Variants in PNLIP observed in about 807,000 individuals in gnomAD.
PNLIP encodes pancreatic lipase.
PNLIP carries 49 observed loss-of-function variants against 57.1 expected under a neutral mutation model. That is an observed-to-expected ratio of 0.86 (90% CI 0.68 to 1.09). The LOEUF (loss-of-function observed/expected upper bound fraction) is 1.09. Among genes scored for constraint, PNLIP ranks in the 50% least tolerant of loss-of-function variants. The pLI is 0.00. For synonymous variants in PNLIP, 209 were observed against 200.4 expected (o/e 1.04, Z -0.36); for missense variants, 503 against 570.2 (o/e 0.88, Z 1.20).
rs528498390 is a variant in PNLIP at position 116,548,031 on chromosome 10, A to G, written c.202-329A>G. On this transcript the variant is annotated intron_variant, in intron 3 of 12. Transcript: ENST00000369221. ...ATATATTTATGTAATCTCCTATTAT[A>G]TATATGTATCTCTACATAGATAAAG... Among the ~76,000 whole-genome samples, 8 of 152,278 alleles carry G rather than the reference A, an allele frequency of 5.3e-5. No homozygotes were observed. In the East Asian group the frequency reaches 1.5e-3, roughly 29 times the overall value.
intron 12 of PNLIP, among the ~76,000 whole-genome samples, chr10:116,563,072 A>C (rs1045472008): frequency 2.6e-5 from 4 of 152,234 alleles, no homozygotes; most frequent in African/African-American, 9.6e-5. Flanking sequence ...ACACCAAAAC[A>C]AAACTGACAT....
intron 12 of PNLIP, among the ~76,000 whole-genome samples, chr10:116,564,593 G>A (rs1019246253): frequency 1.3e-5 from 2 of 152,086 alleles, no homozygotes; most frequent in South Asian, 4.2e-4. Context: ...AAGAACACAG[G>A]AAATAGGAAA....
At chr10:116,554,692 G>A (rs956108433) in intron 6 of PNLIP, among the ~76,000 whole-genome samples, 3 of 152,172 alleles carry the variant, frequency 2.0e-5, no homozygotes, top group African/African-American at 7.2e-5. Flanking sequence ...TTGGACTTGG[G>A]ATAATCTGGA....
chr10:116,556,139 G>T, intron 9 of PNLIP, 21 bp downstream of exon 9: 1 of 1,391,472 alleles, frequency 7.2e-7, no homozygotes, highest in African/African-American at 1.4e-5. Context: ...TCCACCTTCC[G>T]CATAAAGAAT....
chr10:116,552,747 G>A (rs1342112463), intron 5 of PNLIP, among the ~76,000 whole-genome samples: 6 of 151,980 alleles, frequency 3.9e-5, no homozygotes, highest in South Asian at 4.1e-4. Context: ...TTAGCTGGGC[G>A]TGGTGGTGGG....
intron 4 of PNLIP, 31 bp from the exon 5 acceptor site, chr10:116,551,067 A>G: frequency 6.6e-7 from 1 of 1,521,230 alleles, no homozygotes; most frequent in Non-Finnish European, 8.9e-7. Flanking sequence ...ATCCTGAATT[A>G]TTTATCTGTT....
intron 2 of PNLIP, 95 bp from the exon 3 acceptor site, chr10:116,547,199 A>G: frequency 8.5e-7 from 1 of 1,178,636 alleles, no homozygotes; most frequent in Non-Finnish European, 1.3e-6. Flanking sequence ...AGAGGAGGAA[A>G]GTCTACCACA....
chr10:116,553,681 C>A, intron 5 of PNLIP, 46 bp from the exon 6 acceptor site: 1 of 1,147,582 alleles, frequency 8.7e-7, no homozygotes, highest in Non-Finnish European at 1.3e-6. Context: ...TTGAGCAACT[C>A]ATGACTGCAC....
At chr10:116,553,643 A>T (rs1847218531) in intron 5 of PNLIP, 84 bp from the exon 6 acceptor site, 1 of 771,434 alleles carries the variant, frequency 1.3e-6, no homozygotes, top group Non-Finnish European at 2.3e-6. Flanking sequence ...TCGCTTGATG[A>T]TGCATTTCTT....
chr10:116,547,271 A>G, intron 2 of PNLIP, 23 bp from the exon 3 acceptor site: 1 of 1,612,134 alleles, frequency 6.2e-7, no homozygotes, highest in Non-Finnish European at 8.5e-7. Context: ...TTGTAAAACT[A>G]ATATCCTTCT....
chr10:116,563,133 C>T (rs1847331419), intron 12 of PNLIP, among the ~76,000 whole-genome samples: 1 of 152,128 alleles, frequency 6.6e-6, no homozygotes, highest in Non-Finnish European at 1.5e-5. Context: ...AAACCTGTAT[C>T]CATTTGCTTA....
rs1847122527 is a variant in PNLIP, at chr10:116,546,273, AG to A, written c.46+136del. On this transcript the variant is annotated intron_variant, in intron 2 of 12. Transcript: ENST00000369221. ...AGGAGTAAAGCACAGGAGACGCATAAGAGCACAGGTACATGGAGTAGGGTTG... is the reference window on the plus strand; with the variant it reads ...AGGAGTAAAGCACAGGAGACGCATAAAGCACAGGTACATGGAGTAGGGTTG... The A allele has an allele frequency of 1.1e-5, 8 of 738,212 alleles. No individual in the cohort carries two copies. The Admixed American group carries it at 1.6e-4, about 14-fold the overall frequency. 45.7% of individuals were successfully genotyped at this position (738,212 alleles called of 1,614,324 possible).
chr10:116,558,428 T>TC (rs1233852742), intron 9 of PNLIP, among the ~76,000 whole-genome samples: 1 of 151,800 alleles, frequency 6.6e-6, no homozygotes, highest in African/African-American at 2.4e-5. Flanking sequence ...TCTCCTGACC[T>TC]CGTGATCCTC....
intron 4 of PNLIP, among the ~76,000 whole-genome samples, 167 bp from the exon 5 acceptor site, chr10:116,550,931 G>A (rs1009761129): frequency 2.0e-5 from 3 of 152,140 alleles, no homozygotes; most frequent in East Asian, 3.8e-4. Flanking sequence ...TTAAACTTTA[G>A]CAGAGATTAT....
At chr10:116,552,837 G>C (rs1289372421) in intron 5 of PNLIP, among the ~76,000 whole-genome samples, 1 of 152,134 alleles carries the variant, frequency 6.6e-6, no homozygotes, top group Non-Finnish European at 1.5e-5. Context: ...AGTGAGCTGA[G>C]ATCGTGCCAC....
chr10:116,563,379 T>C (rs779391832), intron 12 of PNLIP, among the ~76,000 whole-genome samples: 12 of 152,150 alleles, frequency 7.9e-5, no homozygotes, highest in Non-Finnish European at 1.5e-4. Flanking sequence ...TTTTGGATTT[T>C]TTATTTATTT....
At chr10:116,546,258 C>A in intron 2 of PNLIP, 120 bp downstream of exon 2, 1 of 831,974 alleles carries the variant, frequency 1.2e-6, no homozygotes, top group Non-Finnish European at 2.0e-6. Flanking sequence ...AGGAGTAAAG[C>A]ACAGGAGACG....
Position 116,548,424 on chromosome 10 carries a change from T to A in PNLIP, c.266T>A (p.Phe89Tyr), listed in dbSNP as rs1203914125. Residue 89 changes from phenylalanine (F) to tyrosine (Y), a missense_variant, in exon 4 of 13, where the codon TTT (phenylalanine) becomes TAT (tyrosine). Transcript: ENST00000369221. ...SNFKTNRKTR[F>Y]IIHGFIDKGE... ...TTCAAAACAAATAGAAAAACTCGCT[T>A]TATTATTCATGGATTCATAGACAAG... 6.2e-7 allele frequency: 1 copy of A among 1,613,972 alleles called. No individual in the cohort carries two copies. The highest frequency in any genetic ancestry group is 2.2e-5 in the East Asian group (1 of 44,884).
intron 4 of PNLIP, 25 bp from the exon 5 acceptor site, chr10:116,551,073 C>G: frequency 6.5e-7 from 1 of 1,530,258 alleles, no homozygotes; most frequent in Non-Finnish European, 8.8e-7. Context: ...AATTATTTAT[C>G]TGTTTATTGT....
Sources: allele counts gnomAD v4.1 joint callset (sites outside exome capture counted in the v4.1 genomes callset), GRCh38; gene constraint gnomAD v4.1.1; transcripts MANE v1.5; gene names NCBI Gene and HGNC (gene_info 2026-07-23, HGNC 2026-07-21).